The following PCDHGB2 variants were observed in gnomAD, a reference collection of about 807,000 sequenced individuals.
PCDHGB2 encodes protocadherin gamma-B2.
A neutral mutation model predicts 59.3 loss-of-function variants in PCDHGB2; 55 were observed. That is an observed-to-expected ratio of 0.93 (90% CI 0.75 to 1.16). The LOEUF is 1.16. PCDHGB2 is among the 50% of genes most tolerant of loss of function. The probability of loss-of-function intolerance (pLI) is 0.00; values close to 1 mark genes in which losing one functional copy is unlikely to be tolerated. For synonymous variants in PCDHGB2, 516 were observed against 512.0 expected (o/e 1.01, Z -0.11); for missense variants, 1,228 against 1,198.5 (o/e 1.02, Z -0.36).
intron 1 of PCDHGB2, chr5:141,408,246 A>C: frequency 6.3e-7 from 1 of 1,590,754 alleles, no homozygotes; most frequent in Non-Finnish European, 8.6e-7. Flanking sequence ...GGCCCGCGGC[A>C]GGTGCTATTT....
At chr5:141,408,438 C>T (rs749271632) in intron 1 of PCDHGB2, 1 of 1,614,014 alleles carries the variant, frequency 6.2e-7, no homozygotes. Context: ...AGCGTAGACG[C>T]GGAGAGCGGG....
At chr5:141,501,997 C>A (rs2099812238) in intron 2 of PCDHGB2, among the ~76,000 whole-genome samples, 1 of 152,128 alleles carries the variant, frequency 6.6e-6, no homozygotes, top group Non-Finnish European at 1.5e-5. Context: ...GTCTCCCTGA[C>A]AACCCGCATG....
At chr5:141,426,539 T>C in intron 1 of PCDHGB2, 2 of 347,388 alleles carry the variant, frequency 5.8e-6, no homozygotes, top group South Asian at 4.4e-5. Flanking sequence ...GGGAACATAC[T>C]TGTGAGTGAC....
At chr5:141,394,733 G>A (rs1353984219) in intron 1 of PCDHGB2, 1 of 1,613,324 alleles carries the variant, frequency 6.2e-7, no homozygotes, top group South Asian at 1.1e-5. Flanking sequence ...CGCTCAAGCA[G>A]AGCCTCGTGG....
chr5:141,453,546 C>T lies in PCDHGB2; in HGVS notation c.2422-41261C>T, dbSNP rs116481133. Among the ~76,000 whole-genome samples, 695 of 152,296 alleles carry T rather than the reference C, an allele frequency of 4.6e-3. 4 individuals are homozygous for T. Among genetic ancestry groups the T allele is most frequent in the African/African-American group, 0.015 (634 of 41,558 alleles). On this transcript the variant is annotated intron_variant, in intron 1 of 3. Transcript: ENST00000522605. ...TACCTTCTGCCTCATTCACACCACA[C>T]TCTGTAGATAATCGATTTCATTAGT...
chr5:141,470,650 T>C (rs2099235744), intron 1 of PCDHGB2, among the ~76,000 whole-genome samples: 1 of 152,184 alleles, frequency 6.6e-6, no homozygotes, highest in Non-Finnish European at 1.5e-5. Context: ...TGAAGGCCCC[T>C]ACCCTTTGGT....
intron 1 of PCDHGB2, chr5:141,405,167 C>T (rs926303279): frequency 7.4e-6 from 12 of 1,614,002 alleles, no homozygotes; most frequent in African/African-American, 1.3e-5. Flanking sequence ...GCCCACCTCA[C>T]ACTTTGTGGG....
rs775712620 is a variant in PCDHGB2, at chr5:141,491,341, G to T, written c.2422-3466G>T. 1 of 1,613,982 alleles carries T rather than the reference G, an allele frequency of 6.2e-7. No homozygotes were observed. The highest frequency in any genetic ancestry group is 8.5e-7 in the Non-Finnish European group (1 of 1,180,016). ...TTACCTCATTGTGGCTCTAGCGACC[G>T]TCAGTCTCTTATCCCTAGTCACCTT... On this transcript the variant is annotated intron_variant, in intron 1 of 3. Coordinates refer to ENST00000522605, the MANE Select transcript of PCDHGB2 (RefSeq NM_018923.3). The surrounding 1 kb of genome is among the most constrained non-coding windows in gnomAD (Gnocchi z 6.9).
chr5:141,502,084 G>A (rs1438350526), intron 2 of PCDHGB2, among the ~76,000 whole-genome samples: 1 of 152,154 alleles, frequency 6.6e-6, no homozygotes, highest in African/African-American at 2.4e-5. Context: ...CTGGGGCTGA[G>A]AACACCTGGC....
intron 1 of PCDHGB2, chr5:141,395,358 G>A: frequency 1.5e-6 from 2 of 1,346,158 alleles, no homozygotes; most frequent in Non-Finnish European, 9.9e-7. Context: ...ACAGAGTTTT[G>A]GGTTTATTTT....
intron 1 of PCDHGB2, among the ~76,000 whole-genome samples, chr5:141,380,010 C>T (rs1404064282): frequency 6.7e-6 from 1 of 148,282 alleles, no homozygotes; most frequent in Admixed American, 6.9e-5. Flanking sequence ...AGCGATTCTC[C>T]TGCCTCAGCC....
rs772444495 is a variant in PCDHGB2 at position 141,491,766 on chromosome 5, T to C, written c.2422-3041T>C. 14 of 1,567,738 alleles carry C rather than the reference T, an allele frequency of 8.9e-6. No homozygotes were observed. The African/African-American group carries it at 1.6e-4, about 18-fold the overall frequency. ...GCACTGGAGAAGCCGCCCGTCCTCA[T>C]AAGGGATTGAACTTGCATCCACTCC... On this transcript the variant is annotated intron_variant, in intron 1 of 3. Coordinates refer to ENST00000522605, the MANE Select transcript of PCDHGB2 (RefSeq NM_018923.3). The surrounding 1 kb of genome is among the most constrained non-coding windows in gnomAD (Gnocchi z 6.9).
intron 1 of PCDHGB2, chr5:141,399,670 G>A (rs2093861747): frequency 6.2e-7 from 1 of 1,613,610 alleles, no homozygotes; most frequent in Non-Finnish European, 8.5e-7. Flanking sequence ...CGCGCAGCGC[G>A]CCTTTGACTA....
At chr5:141,496,759 C>T (rs1287940646) in intron 2 of PCDHGB2, among the ~76,000 whole-genome samples, 2 of 152,038 alleles carry the variant, frequency 1.3e-5, no homozygotes, top group South Asian at 4.2e-4. Context: ...AAATATTTAT[C>T]GAGCATCTAC....
At chr5:141,404,521 G>A in intron 1 of PCDHGB2, 2 of 1,613,976 alleles carry the variant, frequency 1.2e-6, no homozygotes, top group Non-Finnish European at 1.7e-6. Flanking sequence ...TTGACTATGA[G>A]CAGTTTAGAG....
At chr5:141,370,989 C>A in intron 1 of PCDHGB2, 2 of 1,613,982 alleles carry the variant, frequency 1.2e-6, no homozygotes, top group East Asian at 2.2e-5. Flanking sequence ...ACTGAAAGCA[C>A]CCCTGGACAG....
chr5:141,438,037 G>A (rs2097925203), intron 1 of PCDHGB2, among the ~76,000 whole-genome samples: 1 of 151,910 alleles, frequency 6.6e-6, no homozygotes, highest in African/African-American at 2.4e-5. Flanking sequence ...CACCATGCCC[G>A]ACCACTTTGA....
chr5:141,489,284 T>A lies in PCDHGB2; in HGVS notation c.2422-5523T>A. On this transcript the variant is annotated intron_variant, in intron 1 of 3. Transcript: ENST00000522605. This position sits in a 1 kb window ranked among gnomAD's most constrained non-coding sequence, Gnocchi z 4.5. ...CCACAGCTCGCTGGGAAATGGCAAG[T>A]GCTGTGCATGTTGTCCTTGTGCTGC... The A allele has an allele frequency of 6.4e-7, 1 of 1,570,016 alleles. No homozygotes were observed. The highest frequency in any genetic ancestry group is 2.2e-5 in the East Asian group (1 of 44,588).
chr5:141,389,787 G>A, intron 1 of PCDHGB2: 1 of 1,613,328 alleles, frequency 6.2e-7, no homozygotes, highest in Non-Finnish European at 8.5e-7. Flanking sequence ...CGACAGGGAC[G>A]CCGTCCGCCA....
Sources: allele counts gnomAD v4.1 joint callset (sites outside exome capture counted in the v4.1 genomes callset), GRCh38; gene constraint gnomAD v4.1.1; non-coding constraint Gnocchi (gnomAD v3.1); transcripts MANE v1.5; gene names NCBI Gene and HGNC (gene_info 2026-07-23, HGNC 2026-07-21).